Variants in ASIC2 observed in about 807,000 individuals in gnomAD.
ASIC2 encodes acid-sensing ion channel 2.
ASIC2 carries 25 observed loss-of-function variants against 57.3 expected under a neutral mutation model. That is an observed-to-expected ratio of 0.44 (90% confidence interval 0.32 to 0.61). The LOEUF is 0.61. ASIC2 is among the 20% of genes least tolerant of loss of function. The pLI is 0.06. For synonymous variants in ASIC2, 319 were observed against 307.5 expected (o/e 1.04, Z -0.39); for missense variants, 641 against 738.1 (o/e 0.87, Z 1.52).
intron 1 of ASIC2, among the ~76,000 whole-genome samples, chr17:33,166,210 T>A (rs888732071): frequency 1.4e-4 from 21 of 152,324 alleles, no homozygotes; most frequent in African/African-American, 4.3e-4. Context: ...GGAATGGAGA[T>A]GAGAATTCCT....
intron 1 of ASIC2, among the ~76,000 whole-genome samples, chr17:33,412,475 G>C (rs1485924910): frequency 6.6e-6 from 1 of 152,168 alleles, no homozygotes; most frequent in African/African-American, 2.4e-5. Flanking sequence ...CAGTCCTTGA[G>C]GTCCACATTA....
chr17:33,657,977 A>G (rs966714822), intron 1 of ASIC2, among the ~76,000 whole-genome samples: 13 of 152,118 alleles, frequency 8.5e-5, no homozygotes, highest in Non-Finnish European at 1.8e-4. Flanking sequence ...AGCTCCTACT[A>G]CTTGGGACAC....
chr17:33,840,333 G>T (rs1913396068), intron 1 of ASIC2, among the ~76,000 whole-genome samples: 1 of 152,132 alleles, frequency 6.6e-6, no homozygotes, highest in African/African-American at 2.4e-5. Flanking sequence ...ACGTTTCTGG[G>T]GAGGGGTTTT....
chr17:33,501,772 C>T (rs73983931), intron 1 of ASIC2, among the ~76,000 whole-genome samples: 2,946 of 152,238 alleles, frequency 0.019, 85 homozygotes, highest in African/African-American at 0.067. Context: ...CCTTCCTTTT[C>T]ATAAAAGGCC....
intron 1 of ASIC2, among the ~76,000 whole-genome samples, chr17:33,922,375 TC>T (rs1386795300): frequency 6.6e-6 from 1 of 151,186 alleles, no homozygotes; most frequent in African/African-American, 2.4e-5. Flanking sequence ...CCCAGACCTC[TC>T]ACTGGTTTCA....
intron 2 of ASIC2, among the ~76,000 whole-genome samples, chr17:33,098,996 A>G (rs2092197958): frequency 6.7e-6 from 1 of 150,374 alleles, no homozygotes; most frequent in Non-Finnish European, 1.5e-5. Flanking sequence ...TATAAAAACA[A>G]AATATATATA....
At chr17:34,099,436 AAAG>A (rs200994371) in intron 1 of ASIC2, among the ~76,000 whole-genome samples, 2,376 of 116,942 alleles carry the variant, frequency 0.02, 67 homozygotes, top group East Asian at 0.064. Context: ...AGAAAGAAGA[AAAG>A]AAAGAGAAAG....
chr17:33,889,022 T>C (rs1914897049), intron 1 of ASIC2, among the ~76,000 whole-genome samples: 1 of 152,052 alleles, frequency 6.6e-6, no homozygotes, highest in Non-Finnish European at 1.5e-5. Flanking sequence ...TGTTGCTGAG[T>C]AAAAATGTTT....
At chr17:33,660,542 A>T (rs554779671) in intron 1 of ASIC2, among the ~76,000 whole-genome samples, 2 of 152,338 alleles carry the variant, frequency 1.3e-5, no homozygotes, top group South Asian at 4.1e-4. Flanking sequence ...GTAGGAGTAC[A>T]CTCTAAAATA....
chr17:33,034,388 T>G, intron 3 of ASIC2, among the ~76,000 whole-genome samples: 1 of 152,150 alleles, frequency 6.6e-6, no homozygotes, highest in Non-Finnish European at 1.5e-5. Context: ...TATCAGCTAC[T>G]CATGAGGCTG....
At chr17:33,110,151 T>C (rs530455571) in intron 2 of ASIC2, among the ~76,000 whole-genome samples, 1 of 152,316 alleles carries the variant, frequency 6.6e-6, no homozygotes, top group South Asian at 2.1e-4. Context: ...CTAACTTCTG[T>C]TTAGGCTTTG....
chr17:34,152,267 C>T (rs1322210568), intron 1 of ASIC2, among the ~76,000 whole-genome samples: 2 of 152,130 alleles, frequency 1.3e-5, no homozygotes, highest in Non-Finnish European at 2.9e-5. Flanking sequence ...ACACATACAA[C>T]TATGAAAGTA....
chr17:33,685,956 G>A (rs749508907), intron 1 of ASIC2, among the ~76,000 whole-genome samples: 4 of 152,140 alleles, frequency 2.6e-5, no homozygotes, highest in Admixed American at 6.5e-5. Flanking sequence ...ACCGGGACAC[G>A]GGGGACCAGG....
At chr17:34,134,279 C>A (rs1180670459) in intron 1 of ASIC2, among the ~76,000 whole-genome samples, 1 of 152,094 alleles carries the variant, frequency 6.6e-6, no homozygotes, top group Non-Finnish European at 1.5e-5. Context: ...TCTCTGTGAC[C>A]GCCCTATCAC....
At chr17:33,691,771 G>C (rs1908376337) in intron 1 of ASIC2, among the ~76,000 whole-genome samples, 2 of 151,950 alleles carry the variant, frequency 1.3e-5, no homozygotes, top group Admixed American at 6.6e-5. Flanking sequence ...ATTTAGGAAG[G>C]TTTTCCACAT....
chr17:33,871,370 C>A (rs434257), intron 1 of ASIC2, among the ~76,000 whole-genome samples: 31 of 152,134 alleles, frequency 2.0e-4, no homozygotes, highest in Admixed American at 9.2e-4. Flanking sequence ...TAACTACCTG[C>A]GGCAAGGCAG....
intron 1 of ASIC2, chr17:33,976,594 C>T (rs1905396612): frequency 1.3e-5 from 2 of 152,118 alleles, no homozygotes; most frequent in African/African-American, 4.8e-5. Context: ...GTGAGCTCAT[C>T]CAATCTGCAG....
intron 1 of ASIC2, among the ~76,000 whole-genome samples, chr17:34,114,244 A>T (rs1247708839): frequency 6.6e-6 from 1 of 152,218 alleles, no homozygotes; most frequent in Non-Finnish European, 1.5e-5. Context: ...CAGGATTAGG[A>T]AAAGTGCTTT....
intron 1 of ASIC2, among the ~76,000 whole-genome samples, chr17:33,613,540 G>GT (rs11420663): frequency 0.1 from 15,527 of 151,338 alleles, 966 homozygotes; most frequent in African/African-American, 0.18. Flanking sequence ...AATTTTTTGT[G>GT]TTTTTTCTCG....
Sources: allele counts gnomAD v4.1 joint callset (sites outside exome capture counted in the v4.1 genomes callset), GRCh38; gene constraint gnomAD v4.1.1; transcripts MANE v1.5; gene names NCBI Gene and HGNC (gene_info 2026-07-23, HGNC 2026-07-21).